Variants in ROBO2 observed in about 807,000 individuals in gnomAD.
ROBO2 encodes the protein roundabout guidance receptor 2, also known as roundabout homolog 2.
Under a neutral mutation model 160.8 loss-of-function variants are expected in ROBO2, and 53 were observed. The ratio of observed to expected loss-of-function variants is 0.33; its 90% CI spans 0.26 to 0.41. The LOEUF is 0.41. Ranked by LOEUF, ROBO2 falls within the 10% of genes least tolerant of loss-of-function variation. The pLI, the probability that ROBO2 is intolerant of heterozygous loss-of-function variation, is 1.00. For synonymous variants in ROBO2, 664 were observed against 611.7 expected (o/e 1.09, Z -1.26); for missense variants, 1,577 against 1,722.4 (o/e 0.92, Z 1.49).
chr3:76,860,107 C>T (rs569647433), intron 2 of ROBO2, among the ~76,000 whole-genome samples: 2 of 152,090 alleles, frequency 1.3e-5, no homozygotes, highest in Admixed American at 1.3e-4. Context: ...GATCTAAAGA[C>T]AATTATCCTC....
intron 2 of ROBO2, among the ~76,000 whole-genome samples, chr3:76,985,108 T>A (rs2060300632): frequency 6.6e-6 from 1 of 152,154 alleles, no homozygotes; most frequent in African/African-American, 2.4e-5. Context: ...TTCTTTTCTC[T>A]TTAAGGTTTG....
intron 2 of ROBO2, among the ~76,000 whole-genome samples, chr3:77,263,155 G>A (rs1335843600): frequency 6.6e-6 from 1 of 152,074 alleles, no homozygotes; most frequent in African/African-American, 2.4e-5. Flanking sequence ...CTGAACTATG[G>A]TGGTAGAAAA....
At position 75,939,797 on chromosome 3, in the gene ROBO2, T is replaced by C. The variant is rs538324790; in HGVS notation, c.109+2195T>C. Among the ~76,000 whole-genome samples the C allele has an allele frequency of 5.9e-5, 9 of 152,256 alleles. No individual in the cohort carries two copies. In the South Asian group the frequency reaches 1.7e-3, roughly 28 times the overall value. On this transcript the variant is annotated intron_variant, in intron 2 of 26. Coordinates refer to the ROBO2 transcript ENST00000487694. ...TATGCAATTAAGCAGAATTTAAAAA[T>C]AAAAGTTTTAAAAATTAAAGTTTTT...
At chr3:77,294,715 T>G (rs1041119385) in intron 2 of ROBO2, among the ~76,000 whole-genome samples, 5 of 142,856 alleles carry the variant, frequency 3.5e-5, no homozygotes, top group African/African-American at 1.4e-4. Flanking sequence ...ACCAAAGACA[T>G]GAAGTAAAAT....
intron 2 of ROBO2, among the ~76,000 whole-genome samples, chr3:76,969,680 A>G (rs2059476878): frequency 6.6e-6 from 1 of 152,130 alleles, no homozygotes; most frequent in Non-Finnish European, 1.5e-5. Flanking sequence ...CCTAGTTTTA[A>G]AAAGAGCATT....
intron 2 of ROBO2, among the ~76,000 whole-genome samples, chr3:76,408,904 G>C (rs566361459): frequency 6.6e-6 from 1 of 152,060 alleles, no homozygotes; most frequent in South Asian, 2.1e-4. Flanking sequence ...GAAGTCACTA[G>C]CTATTCATGC....
intron 2 of ROBO2, among the ~76,000 whole-genome samples, chr3:76,235,159 G>A (rs990970720): frequency 4.6e-5 from 7 of 152,080 alleles, no homozygotes; most frequent in Admixed American, 3.9e-4. Flanking sequence ...GACTTATTTG[G>A]CATTGAGGTG....
At chr3:77,546,490 G>C (rs975848189) in intron 7 of ROBO2, 28 bp downstream of exon 8, 10 of 1,612,122 alleles carry the variant, frequency 6.2e-6, no homozygotes, top group Non-Finnish European at 7.6e-6. Context: ...CTGCTTTTCT[G>C]AAATCTCTGA....
chr3:76,552,629 A>G (rs1034710477), intron 2 of ROBO2, among the ~76,000 whole-genome samples: 1 of 152,234 alleles, frequency 6.6e-6, no homozygotes, highest in African/African-American at 2.4e-5. Context: ...AAGGGAAAAC[A>G]TTTGAACAAA....
At chr3:77,500,260 G>T (rs1040159686) in intron 5 of ROBO2, among the ~76,000 whole-genome samples, 3 of 152,100 alleles carry the variant, frequency 2.0e-5, no homozygotes, top group Non-Finnish European at 2.9e-5. Context: ...TATTTTTAAA[G>T]CATAGTATTA....
chr3:76,815,279 G>C (rs2065563053), intron 2 of ROBO2, among the ~76,000 whole-genome samples: 1 of 151,894 alleles, frequency 6.6e-6, no homozygotes, highest in Non-Finnish European at 1.5e-5. Context: ...TAGGAAAGTA[G>C]ATAACTTGAA....
intron 2 of ROBO2, among the ~76,000 whole-genome samples, chr3:77,186,596 T>C (rs572803614): frequency 6.6e-6 from 1 of 152,072 alleles, no homozygotes; most frequent in Non-Finnish European, 1.5e-5. Flanking sequence ...AAACTAAGGA[T>C]GTTGATTTTT....
intron 2 of ROBO2, among the ~76,000 whole-genome samples, chr3:76,284,123 T>C (rs183018788): frequency 6.6e-6 from 1 of 152,184 alleles, no homozygotes; most frequent in African/African-American, 2.4e-5. Context: ...CTTTAAAAAA[T>C]ATAGATGTAT....
intron 2 of ROBO2, among the ~76,000 whole-genome samples, chr3:76,673,646 T>G (rs1305547673): frequency 1.3e-5 from 2 of 152,078 alleles, no homozygotes; most frequent in Non-Finnish European, 2.9e-5. Context: ...TTTTCAGATT[T>G]AAAAAAGTTC....
chr3:76,247,850 C>T (rs1705715557), intron 2 of ROBO2, among the ~76,000 whole-genome samples: 1 of 151,834 alleles, frequency 6.6e-6, no homozygotes, highest in South Asian at 2.1e-4. Context: ...AGACACTTCT[C>T]AAAAGAAGAC....
At chr3:76,072,700 A>G (rs1287953456) in intron 2 of ROBO2, among the ~76,000 whole-genome samples, 2 of 152,194 alleles carry the variant, frequency 1.3e-5, no homozygotes, top group East Asian at 3.9e-4. Context: ...TAATACAACC[A>G]TATTTATTAA....
At chr3:77,351,818 G>T (rs976518407) in intron 2 of ROBO2, among the ~76,000 whole-genome samples, 1 of 151,976 alleles carries the variant, frequency 6.6e-6, no homozygotes, top group Admixed American at 6.6e-5. Flanking sequence ...AACAATAAGA[G>T]TCGCAGGTTT....
intron 2 of ROBO2, among the ~76,000 whole-genome samples, chr3:77,166,649 C>G (rs1050787443): frequency 9.2e-5 from 14 of 152,186 alleles, no homozygotes; most frequent in Non-Finnish European, 1.8e-4. Context: ...GGCTCCACCT[C>G]CCGGGTTCCC....
chr3:77,424,797 G>C (rs1246976228), intron 2 of ROBO2, among the ~76,000 whole-genome samples: 1 of 152,130 alleles, frequency 6.6e-6, no homozygotes, highest in Admixed American at 6.6e-5. Flanking sequence ...GGTTGGAGGG[G>C]AGAGTTGGAG....
Sources: allele counts gnomAD v4.1 joint callset (sites outside exome capture counted in the v4.1 genomes callset), GRCh38; gene constraint gnomAD v4.1.1; transcripts MANE v1.5; gene names NCBI Gene and HGNC (gene_info 2026-07-23, HGNC 2026-07-21).